PIK3CD: variants seen among roughly 807,000 people sequenced by gnomAD.
The protein encoded by PIK3CD is phosphatidylinositol-4,5-bisphosphate 3-kinase catalytic subunit delta.
In PIK3CD, 20 loss-of-function variants were observed where a neutral mutation model predicts 122.9. The observed-to-expected ratio is 0.16, with a 90% confidence interval of 0.11 to 0.24. The LOEUF (loss-of-function observed/expected upper bound fraction) is 0.24. Ranked by LOEUF, PIK3CD falls within the 10% of genes least tolerant of loss-of-function variation. The pLI, the probability that PIK3CD is intolerant of heterozygous loss-of-function variation, is 1.00. For missense variants in PIK3CD, 787 were observed against 1,406.3 expected (o/e 0.56, Z 7.04); for synonymous variants, 596 against 593.4 (o/e 1.00, Z -0.06).
upstream of PIK3CD, among the ~76,000 whole-genome samples, chr1:9,650,151 T>C (rs1644645400): frequency 6.6e-6 from 1 of 152,020 alleles, no homozygotes; most frequent in African/African-American, 2.4e-5. Flanking sequence ...GGGTCAGGTG[T>C]GGTGGTTCAC....
At chr1:9,642,916 C>G in the PIK3CD span, among the ~76,000 whole-genome samples, 1 of 144,110 alleles carries the variant, frequency 6.9e-6, no homozygotes, top group Admixed American at 7.0e-5. Context: ...CATAGCGAGA[C>G]CTCGTCTCCA....
chr1:9,661,470 C>A (rs896757475), intron 1 of PIK3CD, among the ~76,000 whole-genome samples: 3 of 152,152 alleles, frequency 2.0e-5, no homozygotes, highest in Non-Finnish European at 4.4e-5. Flanking sequence ...CTCACTGCAG[C>A]CTCGACTATA....
In PIK3CD at chr1:9,722,004, G is replaced by C. The variant is rs199754221; in HGVS notation, c.2085G>C (p.Leu695=). Residue 695 remains leucine (L), a synonymous_variant, in exon 17 of 24, where the codon CTG becomes CTC. Coordinates refer to ENST00000377346, the MANE Select transcript of PIK3CD (RefSeq NM_005026.5). This position sits in a 1 kb window ranked among gnomAD's most constrained non-coding sequence, Gnocchi z 7.6. ...AAGCACTGAGCAAACTGAAGGCCCTGAATGACTTCGTCAAGCTGAGCTCTC... is the reference window on the plus strand; with the variant it reads ...AAGCACTGAGCAAACTGAAGGCCCTCAATGACTTCGTCAAGCTGAGCTCTC... ...QGEALSKLKA[L]NDFVKLSSQK... 6.2e-7 allele frequency: 1 copy of C among 1,613,576 alleles called. No individual in the cohort carries two copies. The highest frequency in any genetic ancestry group is 8.5e-7 in the Non-Finnish European group (1 of 1,180,028).
chr1:9,683,124 CA>C lies in PIK3CD; in HGVS notation c.-137-8327del, dbSNP rs756702134. 4.2e-3 allele frequency among the ~76,000 whole-genome samples: 298 copies of C among 70,470 alleles called. 1 individual carries two copies. Among genetic ancestry groups the C allele is most frequent in the African/African-American group, 9.7e-3 (193 of 19,882 alleles). The allele number at this position is 70,470 out of a possible 152,430, so 46.2% of individuals were successfully genotyped here. ...TGGGTGACAAAGGGAGACATTGTCTCAAAAAAAAAAAAAAAACCAAAAAACC... is the reference window on the plus strand; with the variant it reads ...TGGGTGACAAAGGGAGACATTGTCTCAAAAAAAAAAAAAAACCAAAAAACC... On this transcript the variant is annotated intron_variant, in intron 1 of 23. Coordinates refer to ENST00000377346, the MANE Select transcript of PIK3CD (RefSeq NM_005026.5).
intron 1 of PIK3CD, among the ~76,000 whole-genome samples, chr1:9,681,802 C>T (rs1000641985): frequency 6.6e-6 from 1 of 152,180 alleles, no homozygotes; most frequent in Non-Finnish European, 1.5e-5. Flanking sequence ...GTGGGGGCTA[C>T]ACAACGGTGA....
At chr1:9,686,954 C>G (rs374725007) in intron 1 of PIK3CD, among the ~76,000 whole-genome samples, 1 of 152,172 alleles carries the variant, frequency 6.6e-6, no homozygotes, top group Non-Finnish European at 1.5e-5. Flanking sequence ...TTATTAAGGT[C>G]TCTATCTTTT....
chr1:9,691,531 G>A lies in PIK3CD; in HGVS notation c.-73G>A, dbSNP rs947027800. On this transcript the variant is annotated 5_prime_UTR_variant, in exon 2 of 24. Transcript: ENST00000377346. ...CTAAAGCATCTTTAATCTGCCAGGCGGAGGGGGCTTTGCTGGTCTTTCTTG... is the reference window on the plus strand; with the variant it reads ...CTAAAGCATCTTTAATCTGCCAGGCAGAGGGGGCTTTGCTGGTCTTTCTTG... 1.0e-5 allele frequency: 4 copies of A among 398,522 alleles called. No homozygotes were observed. Among genetic ancestry groups the A allele is most frequent in the Admixed American group, 4.4e-5 (1 of 22,706 alleles). The allele number at this position is 398,522 out of a possible 1,614,324, so 24.7% of individuals were successfully genotyped here. A position where few individuals can be genotyped will look rare whatever the true frequency, so the allele number is the denominator to read the frequency against.
At position 9,722,768 on chromosome 1, in the gene PIK3CD, G is replaced by A. The variant is rs1253956670; in HGVS notation, c.2426+162G>A. 6.6e-6 allele frequency among the ~76,000 whole-genome samples: 1 copy of A among 152,056 alleles called. No homozygotes were observed. The highest frequency in any genetic ancestry group is 1.5e-5 in the Non-Finnish European group (1 of 67,964). On this transcript the variant is annotated intron_variant, in intron 19 of 23. Coordinates refer to ENST00000377346, the MANE Select transcript of PIK3CD (RefSeq NM_005026.5). This position sits in a 1 kb window ranked among gnomAD's most constrained non-coding sequence, Gnocchi z 7.6. ...GTTTAACTCTAGGCCAGGAGGCGGC[G>A]GGCAGCAGGATGCGTGAAGGCTGCT...
the PIK3CD span, among the ~76,000 whole-genome samples, chr1:9,638,400 C>T: frequency 6.6e-6 from 1 of 152,174 alleles, no homozygotes; most frequent in African/African-American, 2.4e-5. Flanking sequence ...TCACCCCTCC[C>T]TGCAGAACCT....
At chr1:9,660,701 T>A (rs2100818723) in intron 1 of PIK3CD, 1 of 152,310 alleles carries the variant, frequency 6.6e-6, no homozygotes, top group Non-Finnish European at 1.5e-5. Context: ...GGAAGGCAGC[T>A]GAGCCACCCC....
intron 1 of PIK3CD, chr1:9,653,045 A>AAGTC (rs1164441334): frequency 6.6e-6 from 1 of 152,160 alleles, no homozygotes; most frequent in Non-Finnish European, 1.5e-5. Context: ...GATTCCTGAG[A>AAGTC]AGTCCTACCT....
intron 1 of PIK3CD, among the ~76,000 whole-genome samples, chr1:9,683,521 A>G (rs1645851801): frequency 6.6e-6 from 1 of 151,930 alleles, no homozygotes; most frequent in Non-Finnish European, 1.5e-5. Flanking sequence ...TTGGTGTTAG[A>G]AGCAGTTTTA....
intron 2 of PIK3CD, among the ~76,000 whole-genome samples, chr1:9,695,687 C>T (rs963239716): frequency 5.3e-5 from 8 of 151,798 alleles, no homozygotes; most frequent in Non-Finnish European, 1.2e-4. Context: ...ACTAAAAATA[C>T]AAAAATTAGC....
chr1:9,692,885 T>C (rs1345199199), intron 2 of PIK3CD, among the ~76,000 whole-genome samples: 1 of 152,150 alleles, frequency 6.6e-6, no homozygotes, highest in Non-Finnish European at 1.5e-5. Context: ...GGGGTGCTTC[T>C]TTGGAACCCC....
In PIK3CD at chr1:9,681,508, G is replaced by A. The variant is rs536558947; in HGVS notation, c.-137-9959G>A. Among the ~76,000 whole-genome samples the A allele has an allele frequency of 1.7e-4, 26 of 152,304 alleles. No homozygotes were observed. In the East Asian group the frequency reaches 2.1e-3, roughly 12 times the overall value. ...CGGCTCACTGCAACCTCCCCTTCCCGGGTTAAAGCGATTCTCCTGCCTCAG... is the reference window on the plus strand; with the variant it reads ...CGGCTCACTGCAACCTCCCCTTCCCAGGTTAAAGCGATTCTCCTGCCTCAG... On this transcript the variant is annotated intron_variant, in intron 1 of 23. Transcript: ENST00000377346.
At chr1:9,637,539 G>A in the PIK3CD span, among the ~76,000 whole-genome samples, 1 of 151,860 alleles carries the variant, frequency 6.6e-6, no homozygotes, top group South Asian at 2.1e-4. Flanking sequence ...ATACACAACA[G>A]CCAGTTTATT....
intron 2 of PIK3CD, among the ~76,000 whole-genome samples, chr1:9,696,222 G>T (rs140957529): frequency 3.3e-4 from 50 of 151,974 alleles, no homozygotes; most frequent in African/African-American, 1.2e-3. Context: ...TCCACCCACC[G>T]TGGCCTCCCA....
rs1557665344 is a variant in PIK3CD, at chr1:9,718,810, C to T, written c.1137C>T (p.Ile379=). ...GGAAGCAGCGGCTGGAGTTCGACAT[C>T]AACATCTGCGACCTGCCCCGCATGG... The part of the protein sequence containing the change: ...PVWKQRLEFD[I]NICDLPRMAR... The change falls in exon 9 of 24, where the codon ATC becomes ATT. Residue 379 remains isoleucine (I), a synonymous_variant. Transcript: ENST00000377346. This position sits in a 1 kb window ranked among gnomAD's most constrained non-coding sequence, Gnocchi z 7.2. The T allele has an allele frequency of 6.2e-7, 1 of 1,612,436 alleles. No individual in the cohort carries two copies.
chr1:9,632,269 C>T, the PIK3CD span, among the ~76,000 whole-genome samples: 1 of 152,144 alleles, frequency 6.6e-6, no homozygotes, highest in Non-Finnish European at 1.5e-5. Context: ...GCCTCTGCCT[C>T]CTAAAGTGCT....
Sources: allele counts gnomAD v4.1 joint callset (sites outside exome capture counted in the v4.1 genomes callset), GRCh38; gene constraint gnomAD v4.1.1; non-coding constraint Gnocchi (gnomAD v3.1); transcripts MANE v1.5; gene names NCBI Gene and HGNC (gene_info 2026-07-23, HGNC 2026-07-21).